Variants in MAPK10 observed in about 807,000 individuals in gnomAD.
MAPK10 encodes JNK3 alpha protein kinase.
In MAPK10, 25 loss-of-function variants were observed where a neutral mutation model predicts 59.3. The observed-to-expected ratio is 0.42, with a 90% CI of 0.31 to 0.59. The LOEUF is 0.59. Among genes scored for constraint, MAPK10 ranks in the 20% least tolerant of loss-of-function variants. The pLI is 0.15. For missense variants in MAPK10, 351 were observed against 568.9 expected, an observed-to-expected ratio of 0.62 and a Z score of 3.90; for synonymous variants, 190 against 200.5, an observed-to-expected ratio of 0.95 and a Z score of 0.44.
intron 3 of MAPK10, among the ~76,000 whole-genome samples, chr4:86,185,267 G>A (rs1335124571): frequency 1.3e-5 from 2 of 152,152 alleles, no homozygotes; most frequent in Non-Finnish European, 2.9e-5. Context: ...AGATACTGAT[G>A]TATTATGGAG....
chr4:86,133,056 T>A (rs1004201777), intron 4 of MAPK10, among the ~76,000 whole-genome samples: 7 of 152,202 alleles, frequency 4.6e-5, no homozygotes, highest in Non-Finnish European at 8.8e-5. Flanking sequence ...TGGAGACCAC[T>A]CAAATTTGAC....
chr4:86,082,800 G>A (rs566371239), intron 9 of MAPK10, among the ~76,000 whole-genome samples: 10 of 152,284 alleles, frequency 6.6e-5, no homozygotes, highest in African/African-American at 2.4e-4. Flanking sequence ...CACAAATTGT[G>A]TTTGCTCCAA....
intron 1 of MAPK10, among the ~76,000 whole-genome samples, chr4:86,449,075 G>A (rs750638759): frequency 2.0e-5 from 3 of 152,002 alleles, no homozygotes; most frequent in Non-Finnish European, 4.4e-5. Context: ...TCGCTGGCTC[G>A]CCACCCCCAC....
intron 3 of MAPK10, among the ~76,000 whole-genome samples, chr4:86,168,279 G>A (rs1164906648): frequency 2.0e-5 from 3 of 152,226 alleles, no homozygotes; most frequent in Admixed American, 6.5e-5. Context: ...CTCGGGAAGT[G>A]CAAGGGTCAG....
At chr4:86,495,023 A>G (rs1300322843) in intron 1 of MAPK10, among the ~76,000 whole-genome samples, 2 of 152,060 alleles carry the variant, frequency 1.3e-5, no homozygotes, top group Non-Finnish European at 2.9e-5. Context: ...GGTTTATATT[A>G]GAATTAAGGT....
chr4:86,072,284 T>G (rs1197698503), intron 9 of MAPK10, among the ~76,000 whole-genome samples: 149 of 152,056 alleles, frequency 9.8e-4, no homozygotes, highest in East Asian at 4.3e-3. Flanking sequence ...AGCTTAAGGA[T>G]ATTTTGGGCT....
intron 2 of MAPK10, among the ~76,000 whole-genome samples, chr4:86,312,282 G>A (rs1462934668): frequency 6.6e-6 from 1 of 151,998 alleles, no homozygotes; most frequent in Non-Finnish European, 1.5e-5. Context: ...AAACTAACAT[G>A]GACATCACTA....
At chr4:86,405,178 C>T (rs1744214001) in intron 1 of MAPK10, among the ~76,000 whole-genome samples, 1 of 152,126 alleles carries the variant, frequency 6.6e-6, no homozygotes, top group Admixed American at 6.6e-5. Context: ...ATCAATCTAG[C>T]TGGTGTTCTT....
rs773178511 is a variant in MAPK10, at chr4:86,031,386, T to A, written c.1156A>T (p.Thr386Ser). 24 of 1,612,070 alleles carry A rather than the reference T, an allele frequency of 1.5e-5. No individual in the cohort carries two copies. Among genetic ancestry groups the A allele is most frequent in the Non-Finnish European group, 2.0e-5 (24 of 1,178,484 alleles). The change falls in exon 12 of 14, where the codon ACA (threonine) becomes TCA (serine). Residue 386 changes from threonine to serine, a missense_variant. Around this residue, in one of 5 missense-constraint regions of MAPK10, gnomAD observed 155 missense variants for 204.2 expected, o/e 0.76. Transcript: ENST00000641462. ...YDKQLDEREH[T>S]IEEWKELIYK... ...GACTTACCTTTCCATTCTTCAATTGTGTGTTCTCTTTCATCCAACTGCTTG... is the reference window on the plus strand; with the variant it reads ...GACTTACCTTTCCATTCTTCAATTGAGTGTTCTCTTTCATCCAACTGCTTG...
At chr4:86,114,123 A>C (rs766568223) in intron 4 of MAPK10, among the ~76,000 whole-genome samples, 4 of 152,152 alleles carry the variant, frequency 2.6e-5, no homozygotes, top group Non-Finnish European at 5.9e-5. Context: ...GTAATGTTTT[A>C]TCATGGTTCT....
chr4:86,487,423 A>G (rs1326032664), intron 1 of MAPK10, among the ~76,000 whole-genome samples: 2 of 151,764 alleles, frequency 1.3e-5, no homozygotes, highest in East Asian at 3.9e-4. Flanking sequence ...CAAAGGTAAC[A>G]AAGTGTCAAA....
At chr4:86,262,706 G>A (rs1230257230) in intron 2 of MAPK10, among the ~76,000 whole-genome samples, 3 of 152,184 alleles carry the variant, frequency 2.0e-5, no homozygotes, top group Non-Finnish European at 4.4e-5. Context: ...AAAAAAGGAA[G>A]CTAGAGCTTC....
intron 3 of MAPK10, chr4:86,164,638 T>C (rs998266609): frequency 3.3e-5 from 5 of 152,158 alleles, no homozygotes; most frequent in Non-Finnish European, 7.4e-5. Context: ...ATGACTTGTA[T>C]GATATTAACT....
chr4:86,183,477 T>C (rs1273532773), intron 3 of MAPK10, among the ~76,000 whole-genome samples: 1 of 152,062 alleles, frequency 6.6e-6, no homozygotes, highest in African/African-American at 2.4e-5. Flanking sequence ...ACTCATCATT[T>C]TTTATGGCTG....
At chr4:86,227,532 CA>C (rs1449383354) in intron 2 of MAPK10, among the ~76,000 whole-genome samples, 2 of 151,206 alleles carry the variant, frequency 1.3e-5, no homozygotes, top group Non-Finnish European at 3.0e-5. Context: ...AAAAAAGACG[CA>C]TAGATGGTAC....
chr4:86,293,913 C>A (rs1008865264), intron 2 of MAPK10, among the ~76,000 whole-genome samples: 1 of 152,200 alleles, frequency 6.6e-6, no homozygotes, highest in Non-Finnish European at 1.5e-5. Flanking sequence ...CTGAGGACTA[C>A]ATTTCAACAT....
intron 1 of MAPK10, among the ~76,000 whole-genome samples, chr4:86,461,890 GAA>G (rs1455441470): frequency 6.6e-6 from 1 of 152,180 alleles, no homozygotes; most frequent in Non-Finnish European, 1.5e-5. Context: ...CAAGCTAAAC[GAA>G]AGGATGATTT....
At chr4:86,086,216 G>C (rs1485488895) in intron 9 of MAPK10, among the ~76,000 whole-genome samples, 1 of 151,974 alleles carries the variant, frequency 6.6e-6, no homozygotes, top group African/African-American at 2.4e-5. Context: ...TGAACTCATC[G>C]AGATAGACAG....
chr4:86,041,074 C>T (rs1433486774), intron 11 of MAPK10: 1 of 152,150 alleles, frequency 6.6e-6, no homozygotes, highest in African/African-American at 2.4e-5. Context: ...AAACTCACAA[C>T]ACCCTAATAC....
Sources: allele counts gnomAD v4.1 joint callset (sites outside exome capture counted in the v4.1 genomes callset), GRCh38; gene constraint gnomAD v4.1.1; regional missense constraint gnomAD v4.1.1; transcripts MANE v1.5; gene names NCBI Gene and HGNC (gene_info 2026-07-23, HGNC 2026-07-21).